Variants in MAST3 observed in about 807,000 individuals in gnomAD.
The protein encoded by MAST3 is microtubule associated serine/threonine kinase 3, also known as microtubule-associated serine/threonine-protein kinase 3.
In MAST3, 43 loss-of-function variants were observed where a neutral mutation model predicts 127.0. The ratio of observed to expected loss-of-function variants is 0.34; its 90% confidence interval spans 0.27 to 0.44. The LOEUF (loss-of-function observed/expected upper bound fraction) is 0.44, where lower values mean the gene tolerates loss of function less well. Ranked by LOEUF, MAST3 falls within the 20% of genes least tolerant of loss-of-function variation. The pLI, the probability that MAST3 is intolerant of heterozygous loss-of-function variation, is 1.00. For synonymous variants in MAST3, 785 were observed against 809.2 expected (o/e 0.97, Z 0.51); for missense variants, 1,390 against 1,919.1 (o/e 0.72, Z 5.15).
Position 18,143,838 on chromosome 19 carries a change from T to C in MAST3, c.2415T>C (p.Ser805=), listed in dbSNP as rs1271965194. 12 of 1,613,692 alleles carry C rather than the reference T, an allele frequency of 7.4e-6. No homozygotes were observed. The highest frequency in any genetic ancestry group is 1.0e-5 in the Non-Finnish European group (12 of 1,179,882). Reference sequence around the variant, plus strand: ...AGCCCGAGCGGGGTCCCAGCCCATCTCTCCTGAATACCATCAGCCTGGACA... The same window carrying C: ...AGCCCGAGCGGGGTCCCAGCCCATCCCTCCTGAATACCATCAGCCTGGACA... ...SSQPERGPSP[S]LLNTISLDTM... The change falls in exon 22 of 28, where the codon TCT becomes TCC. Residue 805 remains serine (S), a synonymous_variant. Transcript: ENST00000687212.
At position 18,097,796 on chromosome 19, in the gene MAST3, G is replaced by A. The variant is rs1351069106; in HGVS notation, c.4G>A (p.Asp2Asn). Residue 2 changes from aspartate to asparagine, a missense_variant, in exon 1 of 28, where the codon GAC becomes AAC. Physicochemically the swap from Asp to Asn is conservative, Grantham distance 23. Around this residue, in one of 5 missense-constraint regions of MAST3, gnomAD observed 61 missense variants for 78.2 expected, o/e 0.78. Coordinates refer to ENST00000687212, the MANE Select transcript of MAST3 (RefSeq NM_001393504.1). M[D>N]ESSLLRRRGL... Reference sequence around the variant, plus strand: ...TGGCGGCGCGGACTCCCGGGCCATGGACGAGTCGAGCCTCCTGCGGCGCCG... The same window carrying A: ...TGGCGGCGCGGACTCCCGGGCCATGAACGAGTCGAGCCTCCTGCGGCGCCG... 3.3e-6 allele frequency: 4 copies of A among 1,222,966 alleles called. No homozygotes were observed. Among genetic ancestry groups the A allele is most frequent in the Non-Finnish European group, 4.1e-6 (4 of 982,524 alleles). 75.8% of individuals were successfully genotyped at this position (1,222,966 alleles called of 1,614,324 possible).
At chr19:18,107,393 G>A (rs923814786) in intron 1 of MAST3, among the ~76,000 whole-genome samples, 194 bp from the exon 2 acceptor site, 1 of 152,180 alleles carries the variant, frequency 6.6e-6, no homozygotes, top group African/African-American at 2.4e-5. Flanking sequence ...AGGGCCAGAA[G>A]GGAGGGAAGG....
chr19:18,125,093 C>T (rs933032082), intron 11 of MAST3, among the ~76,000 whole-genome samples: 1 of 151,564 alleles, frequency 6.6e-6, no homozygotes, highest in African/African-American at 2.4e-5. Context: ...GGCGACAGAG[C>T]GAGACCCTGT....
chr19:18,142,113 G>A, intron 21 of MAST3, 98 bp downstream of exon 21: 1 of 1,246,756 alleles, frequency 8.0e-7, no homozygotes, highest in Non-Finnish European at 1.0e-6. Flanking sequence ...TAGTGGCCAA[G>A]TAGAAAAGGG....
In MAST3 at chr19:18,144,962, C is replaced by T. The variant is rs1343211615; in HGVS notation, c.2813-41C>T. 8.9e-7 allele frequency: 1 copy of T among 1,127,128 alleles called. No individual in the cohort carries two copies. Among genetic ancestry groups the T allele is most frequent in the Middle Eastern group, 2.4e-4 (1 of 4,144 alleles). The allele number at this position is 1,127,128 out of a possible 1,614,324, so 69.8% of individuals were successfully genotyped here. On this transcript the variant is annotated intron_variant, in intron 23 of 27. Transcript: ENST00000687212. This position sits in a 1 kb window ranked among gnomAD's most constrained non-coding sequence, Gnocchi z 4.0. ...GGGAAAGAGGGGGCCCCAGGGGAGACCTGTGAGGGAGTGAGTGACCCCCTC... is the reference window on the plus strand; with the variant it reads ...GGGAAAGAGGGGGCCCCAGGGGAGATCTGTGAGGGAGTGAGTGACCCCCTC...
rs750449458 is a variant in MAST3 at position 18,132,070 on chromosome 19, G to T, written c.1571+23G>T. The stretch of plus-strand genomic sequence containing the variant: ...CAAGTGAGCTGAGCTAGCATGAGCG[G>T]GGCCTCGCGGAGGGCGGGGCCAGAG... On this transcript the variant is annotated intron_variant, in intron 15 of 27. Transcript: ENST00000687212. The T allele has an allele frequency of 8.7e-6, 14 of 1,613,194 alleles. No individual in the cohort carries two copies. In the South Asian group the frequency reaches 1.1e-4, roughly 13 times the overall value.
chr19:18,106,233 G>A (rs1469868050), intron 1 of MAST3, among the ~76,000 whole-genome samples: 3 of 151,570 alleles, frequency 2.0e-5, no homozygotes, highest in African/African-American at 4.9e-5. Flanking sequence ...GATTGCAGGC[G>A]TGCAACACCA....
chr19:18,118,110 C>T lies in MAST3; in HGVS notation c.162-3575C>T, dbSNP rs770942612. The T allele has an allele frequency of 1.8e-4, 179 of 985,390 alleles. No individual in the cohort carries two copies. The Middle Eastern group carries it at 4.7e-3, about 26-fold the overall frequency. 61.0% of individuals were successfully genotyped at this position (985,390 alleles called of 1,614,324 possible). A position where few individuals can be genotyped will look rare whatever the true frequency, so the allele number is the denominator to read the frequency against. ...GCGGGGCTCCTGGGGCCGATCCCAC[C>T]GCCGAGGCCTCCCTTCCCGGCCTCG... On this transcript the variant is annotated intron_variant, in intron 3 of 27. Transcript: ENST00000687212.
chr19:18,135,985 A>T (rs941096654), intron 18 of MAST3, 144 bp downstream of exon 18: 1 of 613,604 alleles, frequency 1.6e-6, no homozygotes, highest in African/African-American at 1.9e-5. Context: ...GTTTTGAAGG[A>T]TGCACAGGAG....
chr19:18,148,149 A>G (rs2043221053), intron 27 of MAST3, among the ~76,000 whole-genome samples: 1 of 152,132 alleles, frequency 6.6e-6, no homozygotes, highest in South Asian at 2.1e-4. Flanking sequence ...TAAAAATACA[A>G]AATCAGCCAG....
In MAST3 at chr19:18,130,839, C is replaced by A. The variant is rs149451504; in HGVS notation, c.1432+137C>A. The A allele has an allele frequency of 2.3e-4, 206 of 893,642 alleles. 1 individual carries two copies. The African/African-American group carries it at 3.1e-3, about 14-fold the overall frequency. 55.4% of individuals were successfully genotyped at this position (893,642 alleles called of 1,614,324 possible). ...CCCTGCTTTGGGGAACCCTCAGGAA[C>A]CCCAGTCTGGGGTAGGGAGCCCAGC... On this transcript the variant is annotated intron_variant, in intron 14 of 27. Transcript: ENST00000687212.
intron 11 of MAST3, among the ~76,000 whole-genome samples, 162 bp downstream of exon 11, chr19:18,124,936 C>CT (rs2040420857): frequency 7.3e-6 from 1 of 137,326 alleles, no homozygotes; most frequent in Non-Finnish European, 1.6e-5. Context: ...TGGAAACCCC[C>CT]CCCCTACTAA....
Position 18,144,679 on chromosome 19 carries a change from T to C in MAST3, c.2798T>C (p.Leu933Pro), listed in dbSNP as rs779894999. 6.2e-7 allele frequency: 1 copy of C among 1,608,720 alleles called. No individual in the cohort carries two copies. Among genetic ancestry groups the C allele is most frequent in the Non-Finnish European group, 8.5e-7 (1 of 1,179,840 alleles). The change falls in exon 23 of 28, where the codon CTC becomes CCC. Residue 933 changes from leucine to proline, a missense_variant. Coordinates refer to ENST00000687212, the MANE Select transcript of MAST3 (RefSeq NM_001393504.1). This position sits in a 1 kb window ranked among gnomAD's most constrained non-coding sequence, Gnocchi z 4.0. The stretch of plus-strand genomic sequence containing the variant: ...TCAGCCTCTGTCTCTGCCCTGTCCC[T>C]CATCATCACGGCAGGTAATGCCCAA... ...PKSASVSALS[L>P]IITADDGSGG... is the part of the protein sequence containing the mutation.
In MAST3 at chr19:18,107,608, C is replaced by A; in HGVS notation, c.61C>A (p.Arg21=). Residue 21 remains arginine (R), a synonymous_variant, in exon 2 of 28, where the codon CGA becomes AGA. Transcript: ENST00000687212. ...GLQKELSLPR[R]GRGLSPSSQS... ...GCAGAAGGAGCTGAGCCTGCCACGC[C>A]GAGGACGTGGGTGAGTTCACCTGGG... is the stretch of plus-strand genomic sequence containing the variant. The A allele has an allele frequency of 6.2e-7, 1 of 1,612,640 alleles. No individual in the cohort carries two copies. The highest frequency in any genetic ancestry group is 1.3e-5 in the African/African-American group (1 of 74,962).
chr19:18,134,676 A>G lies in MAST3; in HGVS notation c.1669A>G (p.Ile557Val), dbSNP rs781019783. ...GGCCACCAACCTCTATGAGGGCCAC[A>G]TCGAGAAGGACGCCCGAGAGTTCAT... Reference protein sequence around the residue: ...SMATNLYEGHIEKDAREFIDK... With the variant: ...SMATNLYEGHVEKDAREFIDK... Residue 557 changes from isoleucine to valine, a missense_variant, in exon 16 of 28, where the codon ATC (isoleucine) becomes GTC (valine). This residue lies in a region of MAST3 where 191 missense variants were observed against 409.0 expected (regional missense o/e 0.47). Coordinates refer to ENST00000687212, the MANE Select transcript of MAST3 (RefSeq NM_001393504.1). The G allele has an allele frequency of 5.0e-6, 8 of 1,613,796 alleles. No individual in the cohort carries two copies. Among genetic ancestry groups the G allele is most frequent in the Non-Finnish European group, 6.8e-6 (8 of 1,179,846 alleles).
chr19:18,136,525 C>T (rs2041905943), intron 18 of MAST3, among the ~76,000 whole-genome samples: 1 of 152,242 alleles, frequency 6.6e-6, no homozygotes, highest in African/African-American at 2.4e-5. Context: ...AAGCGATCCT[C>T]CCACCTCAGC....
At chr19:18,147,413 G>T in intron 26 of MAST3, 30 bp from the exon 27 acceptor site, 1 of 1,608,236 alleles carries the variant, frequency 6.2e-7, no homozygotes, top group South Asian at 1.1e-5. Flanking sequence ...AGGAGCAGGG[G>T]TTCTGAAGCC....
rs749071612 is a variant in MAST3 at position 18,149,381 on chromosome 19, C to T, written c.3699C>T (p.Ser1233=). ...PPSPLACPPI[S]APPPRSPSPL... The stretch of plus-strand genomic sequence containing the variant: ...CCCCGCTGGCCTGCCCGCCCATCTC[C>T]GCGCCCCCACCCCGCTCGCCCTCGC... The change falls in exon 28 of 28, where the codon TCC becomes TCT. Residue 1233 remains serine, a synonymous_variant. Coordinates refer to ENST00000687212, the MANE Select transcript of MAST3 (RefSeq NM_001393504.1). This position sits in a 1 kb window ranked among gnomAD's most constrained non-coding sequence, Gnocchi z 5.9. 5.8e-5 allele frequency: 86 copies of T among 1,483,382 alleles called. No homozygotes were observed. Among genetic ancestry groups the T allele is most frequent in the South Asian group, 2.3e-4 (18 of 77,462 alleles). 91.9% of individuals were successfully genotyped at this position (1,483,382 alleles called of 1,614,324 possible).
Position 18,131,925 on chromosome 19 carries a change from G to C in MAST3, c.1449G>C (p.Thr483=). ...MEYVEGGDCA[T]LLKNMGPLPV... is the part of the protein sequence containing the mutation. ...TTCTCCCAGGCGGCGACTGCGCCACGCTCCTGAAGAACATGGGCCCGCTGC... is the reference window on the plus strand; with the variant it reads ...TTCTCCCAGGCGGCGACTGCGCCACCCTCCTGAAGAACATGGGCCCGCTGC... Residue 483 remains threonine, a synonymous_variant, in exon 15 of 28, where the codon ACG becomes ACC. Transcript: ENST00000687212. The C allele has an allele frequency of 6.2e-7, 1 of 1,602,710 alleles. No homozygotes were observed. The highest frequency in any genetic ancestry group is 8.5e-7 in the Non-Finnish European group (1 of 1,175,266).
Sources: gnomAD v4.1 joint callset for allele counts (sites outside exome capture counted in the v4.1 genomes callset) on GRCh38, gnomAD v4.1.1 for gene constraint, gnomAD v4.1.1 regional missense constraint, Gnocchi (gnomAD v3.1) non-coding constraint, MANE v1.5 for transcripts, NCBI Gene and HGNC (gene_info 2026-07-23, HGNC 2026-07-21) for gene names.